Variants in SDK1 observed in about 807,000 individuals in gnomAD.
SDK1 encodes the protein sidekick cell adhesion molecule 1.
Under a neutral mutation model 245.5 loss-of-function variants are expected in SDK1, and 157 were observed. The ratio of observed to expected loss-of-function variants is 0.64; its 90% confidence interval spans 0.56 to 0.73. The LOEUF (loss-of-function observed/expected upper bound fraction) is 0.73. SDK1 is among the 30% of genes least tolerant of loss of function. SDK1 has a pLI of 0.00. For synonymous variants in SDK1, 1,647 were observed against 1,278.5 expected (o/e 1.29, Z -6.15); for missense variants, 3,583 against 3,002.3 (o/e 1.19, Z -4.52).
chr7:4,190,898 G>A (rs1339173386), intron 35 of SDK1, among the ~76,000 whole-genome samples: 4 of 152,220 alleles, frequency 2.6e-5, no homozygotes. Flanking sequence ...ATGCTGGGCC[G>A]GAGGGTGGAG....
intron 1 of SDK1, among the ~76,000 whole-genome samples, chr7:3,436,723 T>C (rs1456073145): frequency 1.3e-5 from 2 of 152,164 alleles, no homozygotes; most frequent in East Asian, 3.9e-4. Flanking sequence ...TAATTGCCAC[T>C]AAATCGTGAA....
chr7:4,065,801 G>A (rs923141551), intron 19 of SDK1, among the ~76,000 whole-genome samples: 5 of 146,092 alleles, frequency 3.4e-5, no homozygotes, highest in South Asian at 2.2e-4. Flanking sequence ...CTCAGTGCTC[G>A]GTATGGAATT....
At chr7:3,380,616 C>T (rs114571308) in intron 1 of SDK1, among the ~76,000 whole-genome samples, 242 of 152,316 alleles carry the variant, frequency 1.6e-3, no homozygotes, top group African/African-American at 5.5e-3. Flanking sequence ...CTTAAAGGCA[C>T]AAGCTTTAAG....
chr7:4,002,053 A>G (rs1785114768), intron 14 of SDK1, among the ~76,000 whole-genome samples: 1 of 152,242 alleles, frequency 6.6e-6, no homozygotes, highest in East Asian at 1.9e-4. Flanking sequence ...TTGGAATTCT[A>G]CAGTGCCACT....
At chr7:3,915,113 A>G (rs1448681795) in intron 5 of SDK1, among the ~76,000 whole-genome samples, 1 of 152,186 alleles carries the variant, frequency 6.6e-6, no homozygotes, top group African/African-American at 2.4e-5. Context: ...TAAGGGCACG[A>G]GAAGTTGAGG....
chr7:4,017,788 G>A (rs1175900358), intron 17 of SDK1, among the ~76,000 whole-genome samples: 1 of 152,146 alleles, frequency 6.6e-6, no homozygotes, highest in Non-Finnish European at 1.5e-5. Context: ...AATCGAATTT[G>A]CAACGTGGTA....
intron 22 of SDK1, among the ~76,000 whole-genome samples, chr7:4,104,203 G>C (rs1187393240): frequency 6.6e-6 from 1 of 152,196 alleles, no homozygotes; most frequent in Non-Finnish European, 1.5e-5. Flanking sequence ...GGGACTACAG[G>C]CATGCACCAC....
rs1780826215 is a variant in SDK1 at position 3,357,326 on chromosome 7, G to GTTTTTTTTTTTTTTTTTT, written c.298+55443_298+55444insTTTTTTTTTTTTTTTTTT. On this transcript the variant is annotated intron_variant, in intron 1 of 44. Transcript: ENST00000404826. ...TTTTACTCTTGCTCCCCTTCTTTTA[G>GTTTTTTTTTTTTTTTTTT]TGTTTTTTTTTTTTTTTTTTTTTTT... is the stretch of plus-strand genomic sequence containing the variant. 6.0e-5 allele frequency among the ~76,000 whole-genome samples: 3 copies of GTTTTTTTTTTTTTTTTTT among 50,102 alleles called. 1 individual carries two copies. Among genetic ancestry groups the GTTTTTTTTTTTTTTTTTT allele is most frequent in the African/African-American group, 6.4e-5 (1 of 15,580 alleles). 32.9% of individuals were successfully genotyped at this position (50,102 alleles called of 152,430 possible). A position where few individuals can be genotyped will look rare whatever the true frequency, so the allele number is the denominator to read the frequency against.
intron 1 of SDK1, among the ~76,000 whole-genome samples, chr7:3,393,319 A>G (rs893735057): frequency 2.6e-5 from 4 of 152,060 alleles, no homozygotes; most frequent in South Asian, 2.1e-4. Context: ...AAGTTGTTCA[A>G]TCATATGATA....
At chr7:3,357,682 C>G (rs781143753) in intron 1 of SDK1, among the ~76,000 whole-genome samples, 1 of 151,950 alleles carries the variant, frequency 6.6e-6, no homozygotes, top group Non-Finnish European at 1.5e-5. Context: ...GCCTCCTGTT[C>G]TCCTTTTTCC....
intron 1 of SDK1, among the ~76,000 whole-genome samples, chr7:3,359,889 G>A (rs1363490621): frequency 3.9e-5 from 6 of 152,210 alleles, no homozygotes; most frequent in African/African-American, 7.2e-5. Flanking sequence ...TAGGGCAAAT[G>A]TAGAAGGCTC....
At chr7:3,404,639 C>T (rs1779003373) in intron 1 of SDK1, among the ~76,000 whole-genome samples, 1 of 152,192 alleles carries the variant, frequency 6.6e-6, no homozygotes, top group South Asian at 2.1e-4. Context: ...GGGCTGAAAG[C>T]CAGTTGATTC....
intron 5 of SDK1, among the ~76,000 whole-genome samples, chr7:3,878,483 C>G (rs962509915): frequency 1.1e-4 from 16 of 152,076 alleles, no homozygotes; most frequent in Admixed American, 2.0e-4. Context: ...CACCACTGCA[C>G]TCCAGCCTGG....
At chr7:3,477,394 C>T (rs1427279525) in intron 1 of SDK1, among the ~76,000 whole-genome samples, 3 of 151,256 alleles carry the variant, frequency 2.0e-5, no homozygotes, top group Admixed American at 6.6e-5. Context: ...TGGGGTTTCA[C>T]CTTGTTGGCC....
chr7:3,792,737 C>T (rs1031562814), intron 4 of SDK1, among the ~76,000 whole-genome samples: 1 of 151,900 alleles, frequency 6.6e-6, no homozygotes, highest in Non-Finnish European at 1.5e-5. Flanking sequence ...TCCATCCATC[C>T]GTCCAACTAC....
intron 4 of SDK1, among the ~76,000 whole-genome samples, chr7:3,818,950 G>A (rs1260895150): frequency 2.0e-5 from 3 of 152,170 alleles, no homozygotes; most frequent in African/African-American, 4.8e-5. Flanking sequence ...TGGTTGCCAC[G>A]ACAAAATCAG....
chr7:3,961,379 A>G (rs1403420747), intron 8 of SDK1, among the ~76,000 whole-genome samples: 2 of 152,262 alleles, frequency 1.3e-5, no homozygotes, highest in African/African-American at 4.8e-5. Context: ...GAGTTATTCC[A>G]TGGCATTAAC....
chr7:3,714,196 C>G (rs540209054), intron 4 of SDK1, among the ~76,000 whole-genome samples: 1 of 152,100 alleles, frequency 6.6e-6, no homozygotes, highest in Non-Finnish European at 1.5e-5. Context: ...CTCAGAGGGA[C>G]GGGAAAAACT....
chr7:3,787,342 C>G (rs766510260), intron 4 of SDK1, among the ~76,000 whole-genome samples: 2 of 152,082 alleles, frequency 1.3e-5, no homozygotes, highest in African/African-American at 2.4e-5. Context: ...CAGGAAAACA[C>G]AAAGAAAATA....
Sources: allele counts gnomAD v4.1 joint callset (sites outside exome capture counted in the v4.1 genomes callset), GRCh38; gene constraint gnomAD v4.1.1; transcripts MANE v1.5; gene names NCBI Gene and HGNC (gene_info 2026-07-23, HGNC 2026-07-21).